DST: variants seen among roughly 807,000 people sequenced by gnomAD.
DST encodes the protein bullous pemphigoid antigen.
Under a neutral mutation model 875.2 loss-of-function variants are expected in DST, and 253 were observed. The ratio of observed to expected loss-of-function variants is 0.29; its 90% CI spans 0.26 to 0.32. The LOEUF (loss-of-function observed/expected upper bound fraction) is 0.32, where lower values mean the gene tolerates loss of function less well. Among genes scored for constraint, DST ranks in the 10% least tolerant of loss-of-function variants. DST has a pLI of 1.00. For missense variants in DST, 8,287 were observed against 9,111.6 expected (o/e 0.91, Z 3.68); for synonymous variants, 3,124 against 3,197.1 (o/e 0.98, Z 0.77).
chr6:56,676,508 C>A (rs2099130952), intron 9 of DST, among the ~76,000 whole-genome samples: 1 of 152,116 alleles, frequency 6.6e-6, no homozygotes. Context: ...ATCCAGCAAT[C>A]CCATTACTGG....
chr6:56,853,354 C>T (rs1766237814), intron 3 of DST, among the ~76,000 whole-genome samples: 1 of 152,108 alleles, frequency 6.6e-6, no homozygotes, highest in African/African-American at 2.4e-5. Flanking sequence ...ATTATCAACC[C>T]AGTTTATTTT....
chr6:56,867,991 A>C (rs1478833076), intron 3 of DST, among the ~76,000 whole-genome samples: 1 of 152,188 alleles, frequency 6.6e-6, no homozygotes, highest in Non-Finnish European at 1.5e-5. Context: ...CTAGAAATAA[A>C]CTTCAGAAAG....
chr6:56,949,501 CACTGACATTGGGAGT>C (rs1821292168), intron 2 of DST, among the ~76,000 whole-genome samples: 1 of 152,234 alleles, frequency 6.6e-6, no homozygotes, highest in Non-Finnish European at 1.5e-5. Flanking sequence ...AAAATTTCAG[CACTGACATTGGGAGT>C]GACCTAGAAG....
chr6:56,554,636 T>C (rs1034830452), intron 60 of DST, among the ~76,000 whole-genome samples: 1 of 152,216 alleles, frequency 6.6e-6, no homozygotes, highest in African/African-American at 2.4e-5. Flanking sequence ...ATAATGATAA[T>C]AGCTGATATT....
rs1478070491 is a variant in DST at position 56,605,234 on chromosome 6, C to T, written c.9394G>A (p.Val3132Ile). The T allele has an allele frequency of 1.9e-6, 3 of 1,611,030 alleles. No individual in the cohort carries two copies. In the African/African-American group the frequency reaches 4.0e-5, roughly 22 times the overall value. Residue 3132 changes from valine (V) to isoleucine (I), a missense_variant, in exon 40 of 104, where the codon GTT becomes ATT. By Grantham distance (29) the Val-to-Ile change is conservative. Transcript: ENST00000680361. ...NLQIIVSKSPVQFENLEEIFD... is the reference protein window; with the variant it reads ...NLQIIVSKSPIQFENLEEIFD... ...ATTTCTTCAAGATTCTCAAACTGAA[C>T]AGGACTTTTACTAACTATTATTTGT...
intron 37 of DST, among the ~76,000 whole-genome samples, chr6:56,611,946 C>G (rs1277497000): frequency 2.0e-5 from 3 of 152,190 alleles, no homozygotes; most frequent in Non-Finnish European, 4.4e-5. Flanking sequence ...CACTGCAGTC[C>G]TCAAAAAGAC....
intron 56 of DST, 63 bp from the exon 57 acceptor site, chr6:56,561,612 A>G: frequency 6.6e-7 from 1 of 1,516,266 alleles, no homozygotes. Context: ...GAGGTCTAGA[A>G]ATAAAAGTTT....
At position 56,629,136 on chromosome 6, in the gene DST, A is replaced by G; in HGVS notation, c.4475+114T>C. ...AAATATGGCTAAGTAGAGGTATTGT[A>G]ATTAACAAATTAACTATGGAAGTAA... is the stretch of plus-strand genomic sequence containing the variant. On this transcript the variant is annotated intron_variant, in intron 32 of 103. Coordinates refer to ENST00000680361, the MANE Select transcript of DST (RefSeq NM_001374736.1). The G allele has an allele frequency of 5.0e-6, 5 of 996,918 alleles. 1 individual carries two copies. In the South Asian group the frequency reaches 7.0e-5, roughly 14 times the overall value. 61.8% of individuals were successfully genotyped at this position (996,918 alleles called of 1,614,324 possible).
At chr6:56,850,683 G>A (rs991890162) in intron 4 of DST, among the ~76,000 whole-genome samples, 1 of 152,210 alleles carries the variant, frequency 6.6e-6, no homozygotes, top group Non-Finnish European at 1.5e-5. Context: ...ACCACGCAGG[G>A]GTTGGAAGGT....
At chr6:56,696,248 T>C (rs941956073) in intron 9 of DST, among the ~76,000 whole-genome samples, 10 of 152,296 alleles carry the variant, frequency 6.6e-5, no homozygotes, top group Non-Finnish European at 8.8e-5. Context: ...CCACAACCTC[T>C]GCCTCCTGGG....
At chr6:56,667,623 T>C (rs2099078369) in intron 10 of DST, among the ~76,000 whole-genome samples, 1 of 152,106 alleles carries the variant, frequency 6.6e-6, no homozygotes, top group South Asian at 2.1e-4. Context: ...AAAACCAAAG[T>C]CCTAAGTTAA....
chr6:56,551,297 GTTTATTC>G (rs2097317339), intron 61 of DST, among the ~76,000 whole-genome samples: 1 of 144,482 alleles, frequency 6.9e-6, no homozygotes, highest in South Asian at 2.1e-4. Context: ...TTTGGTCTTA[GTTTATTC>G]TTTATGCACT....
In DST at chr6:56,607,165, T is replaced by C. The variant is rs200884179; in HGVS notation, c.7463A>G (p.Asp2488Gly). 1.1e-5 allele frequency: 17 copies of C among 1,613,236 alleles called. No individual in the cohort carries two copies. In the Admixed American group the frequency reaches 2.5e-4, roughly 24 times the overall value. The change falls in exon 40 of 104, where the codon GAC becomes GGC. Residue 2488 changes from aspartate to glycine, a missense_variant. Asp to Gly is a moderately conservative substitution (Grantham distance 94). Around this residue, in one of 10 missense-constraint regions of DST, gnomAD observed 3,138 missense variants for 3,116.6 expected, o/e 1.01. Coordinates refer to ENST00000680361, the MANE Select transcript of DST (RefSeq NM_001374736.1). ...SGQRIGEKFQDQFLGIAAINI... is the reference protein window; with the variant it reads ...SGQRIGEKFQGQFLGIAAINI... ...AATAGCTGCAATTCCCAGAAACTGGTCTTGAAATTTTTCTCCTATTCTTTG... is the reference window on the plus strand; with the variant it reads ...AATAGCTGCAATTCCCAGAAACTGGCCTTGAAATTTTTCTCCTATTCTTTG...
chr6:56,715,196 C>G (rs2099390650), intron 5 of DST, among the ~76,000 whole-genome samples: 1 of 152,212 alleles, frequency 6.6e-6, no homozygotes, highest in South Asian at 2.1e-4. Flanking sequence ...AATGGATTCA[C>G]AAATCCCATC....
chr6:56,827,571 G>C, intron 4 of DST, among the ~76,000 whole-genome samples: 1 of 147,986 alleles, frequency 6.8e-6, no homozygotes, highest in South Asian at 2.2e-4. Context: ...AACATATATT[G>C]ACATTTTGTA....
At chr6:56,907,511 A>C (rs149268709) in intron 2 of DST, among the ~76,000 whole-genome samples, 2 of 152,252 alleles carry the variant, frequency 1.3e-5, no homozygotes, top group African/African-American at 4.8e-5. Flanking sequence ...TTCAGGGTTA[A>C]GTAATCTGCT....
At chr6:56,800,031 A>G (rs1282056005) in intron 4 of DST, among the ~76,000 whole-genome samples, 5 of 152,226 alleles carry the variant, frequency 3.3e-5, no homozygotes, top group African/African-American at 7.2e-5. Flanking sequence ...TATATGCACC[A>G]AGAAGCCAAA....
intron 36 of DST, chr6:56,617,553 A>C (rs1284420000): frequency 1.3e-6 from 1 of 776,940 alleles, no homozygotes; most frequent in Non-Finnish European, 2.2e-6. Flanking sequence ...CAAACCAAGG[A>C]GGGTTCAGGA....
chr6:56,826,817 A>G (rs1350994084), intron 4 of DST, among the ~76,000 whole-genome samples: 1 of 152,208 alleles, frequency 6.6e-6, no homozygotes, highest in African/African-American at 2.4e-5. Context: ...CCCACAGGAA[A>G]GATTCTGAAA....
Sources: gnomAD v4.1 joint callset for allele counts (sites outside exome capture counted in the v4.1 genomes callset) on GRCh38, gnomAD v4.1.1 for gene constraint, gnomAD v4.1.1 regional missense constraint, MANE v1.5 for transcripts, NCBI Gene and HGNC (gene_info 2026-07-23, HGNC 2026-07-21) for gene names.